PTPRN2: variants seen among roughly 807,000 people sequenced by gnomAD.
PTPRN2 encodes the protein receptor-type tyrosine-protein phosphatase N2.
In PTPRN2, 74 loss-of-function variants were observed where a neutral mutation model predicts 118.8. The ratio of observed to expected loss-of-function variants is 0.62; its 90% CI spans 0.52 to 0.76. The LOEUF is 0.76. PTPRN2 is among the 30% of genes least tolerant of loss of function. PTPRN2 has a pLI of 0.00. For missense variants in PTPRN2, 1,481 were observed against 1,394.4 expected (o/e 1.06, Z -0.99); for synonymous variants, 641 against 608.0 (o/e 1.05, Z -0.80).
chr7:158,145,736 T>C (rs185469743), intron 6 of PTPRN2, among the ~76,000 whole-genome samples: 8 of 152,310 alleles, frequency 5.3e-5, no homozygotes, highest in Admixed American at 4.6e-4. Flanking sequence ...TTAGCTCACA[T>C]TTCTTTTTCC....
intron 14 of PTPRN2, among the ~76,000 whole-genome samples, chr7:157,634,845 G>A (rs62476806): frequency 0.09 from 13,735 of 152,270 alleles, 668 homozygotes; most frequent in East Asian, 0.17. Context: ...GAATTTTTAA[G>A]AGATGAAAAC....
chr7:157,565,964 G>GT (rs1219057864), intron 21 of PTPRN2, among the ~76,000 whole-genome samples: 1 of 152,234 alleles, frequency 6.6e-6, no homozygotes, highest in Non-Finnish European at 1.5e-5. Context: ...ACATGAGCCT[G>GT]TTGACTTTCA....
intron 3 of PTPRN2, among the ~76,000 whole-genome samples, chr7:158,266,853 A>C (rs1411987588): frequency 3.9e-5 from 6 of 152,264 alleles, no homozygotes; most frequent in Non-Finnish European, 1.5e-5. Context: ...TTGGCTGCAC[A>C]AACAGGAAAG....
chr7:158,332,793 T>A (rs1175430022), intron 2 of PTPRN2, among the ~76,000 whole-genome samples: 24 of 141,062 alleles, frequency 1.7e-4, no homozygotes, highest in African/African-American at 6.3e-4. Context: ...TAAGAGCTGA[T>A]GCCTGCAGAC....
Position 158,119,752 on chromosome 7 carries a change from A to G in PTPRN2, c.1557-8837T>C, listed in dbSNP as rs921569836. On this transcript the variant is annotated intron_variant, in intron 9 of 22. Transcript: ENST00000389418. ...TAAACTTTATCATAGGTATGTATGT[A>G]TAGGAAAAGCCATAGTTTATATAGG... Among the ~76,000 whole-genome samples, 5 of 152,298 alleles carry G rather than the reference A, an allele frequency of 3.3e-5. No individual in the cohort carries two copies. The East Asian group carries it at 9.6e-4, about 29-fold the overall frequency.
At position 157,593,256 on chromosome 7, in the gene PTPRN2, C is replaced by T. The variant is rs118050054; in HGVS notation, c.2496+1982G>A. The stretch of plus-strand genomic sequence containing the variant: ...GATGTGGGCATCATCATGGTTGTTG[C>T]GCGTGGACACCGAGAGCCTTCACAC... On this transcript the variant is annotated intron_variant, in intron 17 of 22. Coordinates refer to ENST00000389418, the MANE Select transcript of PTPRN2 (RefSeq NM_002847.5). 1.7e-3 allele frequency among the ~76,000 whole-genome samples: 194 copies of T among 113,492 alleles called. 2 individuals are homozygous for T. The East Asian group carries it at 0.05, about 30-fold the overall frequency. 74.5% of individuals were successfully genotyped at this position (113,492 alleles called of 152,430 possible). A position where few individuals can be genotyped will look rare whatever the true frequency, so the allele number is the denominator to read the frequency against.
chr7:158,327,121 GCA>G lies in PTPRN2; in HGVS notation c.164-10191_164-10190del, dbSNP rs750540688. On this transcript the variant is annotated intron_variant, in intron 2 of 22. Coordinates refer to ENST00000389418, the MANE Select transcript of PTPRN2 (RefSeq NM_002847.5). ...CTCACCCATGCACATTCTCACACAA[GCA>G]CACACATACACACTCATATCCACAC... is the stretch of plus-strand genomic sequence containing the variant. 8.2e-4 allele frequency among the ~76,000 whole-genome samples: 95 copies of G among 115,746 alleles called. No homozygotes were observed. The East Asian group carries it at 0.015, about 19-fold the overall frequency. 75.9% of individuals were successfully genotyped at this position (115,746 alleles called of 152,430 possible).
At position 157,583,079 on chromosome 7, in the gene PTPRN2, C is replaced by T. The variant is rs1800482906; in HGVS notation, c.2497-4939G>A. On this transcript the variant is annotated intron_variant, in intron 17 of 22. Transcript: ENST00000389418. The surrounding 1 kb of genome is among the most constrained non-coding windows in gnomAD (Gnocchi z 5.5). ...ACAAGATTTGGAACAACCCACATGT[C>T]TGTCAATGGATAATGGCTAAAGAAA... 6.6e-6 allele frequency among the ~76,000 whole-genome samples: 1 copy of T among 152,138 alleles called. No individual in the cohort carries two copies. Among genetic ancestry groups the T allele is most frequent in the Non-Finnish European group, 1.5e-5 (1 of 68,010 alleles).
At chr7:157,710,418 C>G (rs372461233) in intron 12 of PTPRN2, among the ~76,000 whole-genome samples, 1 of 152,104 alleles carries the variant, frequency 6.6e-6, no homozygotes, top group Non-Finnish European at 1.5e-5. Context: ...GACCAGGTGG[C>G]CAACACAGTG....
At chr7:158,454,198 G>T (rs1563312911) in intron 2 of PTPRN2, among the ~76,000 whole-genome samples, 1 of 152,020 alleles carries the variant, frequency 6.6e-6, no homozygotes, top group Non-Finnish European at 1.5e-5. Context: ...CACAATCACT[G>T]ATGTGAGGAT....
intron 2 of PTPRN2, among the ~76,000 whole-genome samples, chr7:158,406,056 CCG>C (rs1813398377): frequency 2.3e-5 from 3 of 130,452 alleles, no homozygotes; most frequent in Non-Finnish European, 4.8e-5. Flanking sequence ...AGACACGTGG[CCG>C]CACACTGAGA....
intron 3 of PTPRN2, among the ~76,000 whole-genome samples, chr7:158,274,734 G>C (rs968680869): frequency 6.6e-6 from 1 of 152,180 alleles, no homozygotes; most frequent in Admixed American, 6.5e-5. Flanking sequence ...TACCCTACGG[G>C]GGGAGTCACC....
At chr7:157,836,846 T>TCCATC (rs1554464897) in intron 12 of PTPRN2, among the ~76,000 whole-genome samples, 83 of 151,966 alleles carry the variant, frequency 5.5e-4, no homozygotes, top group African/African-American at 2.0e-3. Context: ...GTGTGTCCAT[T>TCCATC]CATCCATCCA....
At chr7:158,456,641 T>C (rs1375015049) in intron 2 of PTPRN2, among the ~76,000 whole-genome samples, 1 of 152,284 alleles carries the variant, frequency 6.6e-6, no homozygotes, top group Non-Finnish European at 1.5e-5. Context: ...CCCATCACTC[T>C]GCAGTGGCTC....
chr7:157,738,332 G>C (rs557576987), intron 12 of PTPRN2, among the ~76,000 whole-genome samples: 2 of 152,298 alleles, frequency 1.3e-5, no homozygotes, highest in African/African-American at 2.4e-5. Flanking sequence ...GTGCTGGGGA[G>C]CGGGATTGAG....
intron 12 of PTPRN2, among the ~76,000 whole-genome samples, chr7:157,735,318 A>G (rs1460304989): frequency 6.6e-6 from 1 of 152,232 alleles, no homozygotes; most frequent in African/African-American, 2.4e-5. Flanking sequence ...AAGCAGTCCC[A>G]CTGACTATGC....
chr7:157,659,520 A>G (rs1410082750), intron 13 of PTPRN2, among the ~76,000 whole-genome samples: 48 of 151,192 alleles, frequency 3.2e-4, no homozygotes, highest in Admixed American at 3.2e-3. Flanking sequence ...GCACAGGGGA[A>G]GGTGGACTTT....
chr7:157,827,788 C>A (rs987168785), intron 12 of PTPRN2, among the ~76,000 whole-genome samples: 3 of 152,246 alleles, frequency 2.0e-5, no homozygotes, highest in Non-Finnish European at 4.4e-5. Context: ...AGCTGCCGGC[C>A]CCGCCCTCGC....
At chr7:158,421,958 T>A (rs1167429337) in intron 2 of PTPRN2, among the ~76,000 whole-genome samples, 1 of 152,210 alleles carries the variant, frequency 6.6e-6, no homozygotes, top group African/African-American at 2.4e-5. Flanking sequence ...CTGTGAAATA[T>A]TCAAGCAACA....
Sources: allele counts gnomAD v4.1 joint callset (sites outside exome capture counted in the v4.1 genomes callset), GRCh38; gene constraint gnomAD v4.1.1; non-coding constraint Gnocchi (gnomAD v3.1); transcripts MANE v1.5; gene names NCBI Gene and HGNC (gene_info 2026-07-23, HGNC 2026-07-21).